EEPD1: variants seen among roughly 807,000 people sequenced by gnomAD.
The protein encoded by EEPD1 is endonuclease/exonuclease/phosphatase family domain-containing protein 1.
EEPD1 carries 17 observed loss-of-function variants against 46.3 expected under a neutral mutation model. The ratio of observed to expected loss-of-function variants is 0.37; its 90% CI spans 0.25 to 0.55. EEPD1 has a LOEUF of 0.55. EEPD1 is among the 20% of genes least tolerant of loss of function. The probability of loss-of-function intolerance (pLI) is 0.83; values close to 1 mark genes in which losing one functional copy is unlikely to be tolerated. For missense variants in EEPD1, 673 were observed against 745.6 expected (o/e 0.90, Z 1.13); for synonymous variants, 313 against 315.6 (o/e 0.99, Z 0.09).
intron 2 of EEPD1, among the ~76,000 whole-genome samples, chr7:36,194,067 T>A (rs1385793026): frequency 2.6e-5 from 4 of 152,208 alleles, no homozygotes; most frequent in Non-Finnish European, 5.9e-5. Context: ...TATGGCTACT[T>A]CTATTGTGAG....
intron 3 of EEPD1, among the ~76,000 whole-genome samples, chr7:36,272,216 A>G (rs930021202): frequency 6.6e-6 from 1 of 152,044 alleles, no homozygotes; most frequent in Non-Finnish European, 1.5e-5. Context: ...AGCCGATGAA[A>G]TTACTATGGA....
chr7:36,172,484 C>T (rs867574972), intron 2 of EEPD1, among the ~76,000 whole-genome samples: 8 of 152,168 alleles, frequency 5.3e-5, no homozygotes, highest in Admixed American at 3.9e-4. Context: ...CCCTATGCAT[C>T]CCTTCATCTG....
chr7:36,280,168 C>T (rs1181755796), intron 3 of EEPD1, among the ~76,000 whole-genome samples: 2 of 152,142 alleles, frequency 1.3e-5, no homozygotes, highest in African/African-American at 2.4e-5. Flanking sequence ...AGGAGACCTC[C>T]AGGTGGAGAT....
At chr7:36,278,764 T>C (rs1787218233) in intron 3 of EEPD1, among the ~76,000 whole-genome samples, 1 of 152,224 alleles carries the variant, frequency 6.6e-6, no homozygotes, top group Non-Finnish European at 1.5e-5. Context: ...CGATAAATTC[T>C]GGCTGCATCT....
chr7:36,219,804 A>AGTGTGTGTGTGTGTGTGT (rs770071168), intron 2 of EEPD1, among the ~76,000 whole-genome samples: 69 of 87,652 alleles, frequency 7.9e-4, no homozygotes, highest in East Asian at 3.5e-3. Flanking sequence ...AGAGAGAGAG[A>AGTGTGTGTGTGTGTGTGT]GAGTGTGTGT....
chr7:36,174,662 C>T (rs1639413236), intron 2 of EEPD1, among the ~76,000 whole-genome samples: 1 of 152,222 alleles, frequency 6.6e-6, no homozygotes, highest in African/African-American at 2.4e-5. Context: ...CCGGCCTTCT[C>T]TGCCTTCTGA....
At chr7:36,215,829 C>A (rs1167356143) in intron 2 of EEPD1, among the ~76,000 whole-genome samples, 1 of 152,334 alleles carries the variant, frequency 6.6e-6, no homozygotes, top group East Asian at 1.9e-4. Flanking sequence ...AATCTCTGGG[C>A]CTCCCTGCAG....
At chr7:36,285,658 G>A (rs1251597717) in intron 5 of EEPD1, among the ~76,000 whole-genome samples, 1 of 152,184 alleles carries the variant, frequency 6.6e-6, no homozygotes, top group Non-Finnish European at 1.5e-5. Flanking sequence ...AGGCAAGCAG[G>A]TCCGGTGCCT....
intron 3 of EEPD1, among the ~76,000 whole-genome samples, chr7:36,242,121 C>G (rs553266020): frequency 4.7e-4 from 72 of 152,320 alleles, no homozygotes; most frequent in Admixed American, 7.8e-4. Context: ...TACTTACTTT[C>G]TCGTGCCTTA....
intron 2 of EEPD1, among the ~76,000 whole-genome samples, chr7:36,234,836 G>T (rs2115772947): frequency 6.6e-6 from 1 of 152,144 alleles, no homozygotes; most frequent in Admixed American, 6.5e-5. Context: ...ACCATCCATA[G>T]CTGACCCACT....
chr7:36,155,137 T>C lies in EEPD1; in HGVS notation c.813T>C (p.Cys271=). 1 of 1,534,736 alleles carries C rather than the reference T, an allele frequency of 6.5e-7. No homozygotes were observed. Among genetic ancestry groups the C allele is most frequent in the Middle Eastern group, 1.8e-4 (1 of 5,652 alleles). Residue 271 remains cysteine (C), a synonymous_variant, in exon 2 of 8, where the codon TGT becomes TGC. Coordinates refer to ENST00000242108, the MANE Select transcript of EEPD1 (RefSeq NM_030636.3). ...LRLATWNLQG[C]SVEKANNPGV... is the part of the protein sequence containing the mutation. ...TGGCCACCTGGAACTTGCAGGGCTG[T>C]TCCGTGGAGAAGGCCAACAACCCCG...
intron 3 of EEPD1, among the ~76,000 whole-genome samples, chr7:36,267,101 T>C (rs993162458): frequency 7.9e-5 from 12 of 152,160 alleles, no homozygotes; most frequent in Non-Finnish European, 1.5e-4. Flanking sequence ...ATCTCCTAAT[T>C]ATCTCTGGAG....
chr7:36,289,155 A>ATTTT (rs909894985), intron 6 of EEPD1, among the ~76,000 whole-genome samples: 1 of 152,208 alleles, frequency 6.6e-6, no homozygotes, highest in Non-Finnish European at 1.5e-5. Context: ...AACAAAAAAG[A>ATTTT]TTTTTTACTG....
At chr7:36,240,160 G>A (rs973291144) in intron 3 of EEPD1, among the ~76,000 whole-genome samples, 5 of 151,976 alleles carry the variant, frequency 3.3e-5, no homozygotes, top group East Asian at 1.9e-4. Flanking sequence ...TCCCAATTCC[G>A]CAGGAGGCTG....
At chr7:36,207,069 C>T (rs541062274) in intron 2 of EEPD1, among the ~76,000 whole-genome samples, 1 of 151,848 alleles carries the variant, frequency 6.6e-6, no homozygotes, top group South Asian at 2.1e-4. Context: ...ACAAAAACAA[C>T]AACAAAAAAA....
rs1314336079 is a variant in EEPD1, at chr7:36,243,311, T to TG, written c.930+4275_930+4276insG. Among the ~76,000 whole-genome samples, 545 of 150,938 alleles carry TG rather than the reference T, an allele frequency of 3.6e-3. 4 individuals are homozygous for TG. Among genetic ancestry groups the TG allele is most frequent in the African/African-American group, 0.012 (516 of 41,378 alleles). On this transcript the variant is annotated intron_variant, in intron 3 of 7. Coordinates refer to ENST00000242108, the MANE Select transcript of EEPD1 (RefSeq NM_030636.3). Reference sequence around the variant, plus strand: ...CTTTTATGGCCAATTAAGCCTGGTTTTTTTTTTTTTGGCACCAAAAGAGAA... The same window carrying TG: ...CTTTTATGGCCAATTAAGCCTGGTTTGTTTTTTTTTTGGCACCAAAAGAGAA...
chr7:36,281,027 C>A, intron 3 of EEPD1, 88 bp from the exon 4 acceptor site: 2 of 1,039,400 alleles, frequency 1.9e-6, no homozygotes, highest in South Asian at 1.3e-5. Flanking sequence ...GACTCAGAAT[C>A]ATGCAGTGCC....
At position 36,154,868 on chromosome 7, in the gene EEPD1, G is replaced by A. The variant is rs1239827122; in HGVS notation, c.544G>A (p.Gly182Ser). 6.2e-7 allele frequency: 1 copy of A among 1,614,058 alleles called. No homozygotes were observed. Among genetic ancestry groups the A allele is most frequent in the African/African-American group, 1.3e-5 (1 of 74,914 alleles). Residue 182 changes from glycine to serine, a missense_variant, in exon 2 of 8, where the codon GGT becomes AGT. Gly to Ser is a moderately conservative substitution (Grantham distance 56). Coordinates refer to ENST00000242108, the MANE Select transcript of EEPD1 (RefSeq NM_030636.3). The surrounding 1 kb of genome is among the most constrained non-coding windows in gnomAD (Gnocchi z 4.2). The part of the protein sequence containing the change: ...RSVEDLVRMD[G>S]INAAFLDRIR... The stretch of plus-strand genomic sequence containing the variant: ...CGTTGAGGACCTAGTGAGGATGGAT[G>A]GTATCAATGCCGCCTTCCTGGACAG...
intron 2 of EEPD1, among the ~76,000 whole-genome samples, chr7:36,219,804 A>AGGGTGTGTGT (rs770071168): frequency 1.1e-5 from 1 of 87,616 alleles, no homozygotes. Context: ...AGAGAGAGAG[A>AGGGTGTGTGT]GAGTGTGTGT....
Sources: allele counts gnomAD v4.1 joint callset (sites outside exome capture counted in the v4.1 genomes callset), GRCh38; gene constraint gnomAD v4.1.1; non-coding constraint Gnocchi (gnomAD v3.1); transcripts MANE v1.5; gene names NCBI Gene and HGNC (gene_info 2026-07-23, HGNC 2026-07-21).